Variants in PCDHGA1 observed in about 807,000 individuals in gnomAD.
PCDHGA1 encodes protocadherin gamma-A1.
In PCDHGA1, 32 loss-of-function variants were observed where a neutral mutation model predicts 58.0. That is an observed-to-expected ratio of 0.55 (90% confidence interval 0.42 to 0.74). The LOEUF (loss-of-function observed/expected upper bound fraction) is 0.74, where lower values mean the gene tolerates loss of function less well. PCDHGA1 is among the 30% of genes least tolerant of loss of function. PCDHGA1 has a pLI of 0.00. For synonymous variants in PCDHGA1, 498 were observed against 501.1 expected, an observed-to-expected ratio of 0.99 and a Z score of 0.08; for missense variants, 1,205 against 1,182.3, an observed-to-expected ratio of 1.02 and a Z score of -0.28.
chr5:141,339,550 AC>A, intron 1 of PCDHGA1: 3 of 1,614,136 alleles, frequency 1.9e-6, no homozygotes, highest in Admixed American at 3.3e-5. Context: ...AGTACCCAGA[AC>A]TGGTGCTGGA....
At chr5:141,408,251 C>T (rs761835750) in intron 1 of PCDHGA1, 6 of 1,597,008 alleles carry the variant, frequency 3.8e-6, no homozygotes, top group Middle Eastern at 1.7e-4. Context: ...GCGGCAGGTG[C>T]TATTTCCTTT....
At chr5:141,388,824 T>A in intron 1 of PCDHGA1, 1 of 1,613,960 alleles carries the variant, frequency 6.2e-7, no homozygotes, top group Non-Finnish European at 8.5e-7. Flanking sequence ...CAAAGAATAT[T>A]CCATAGTTTT....
chr5:141,498,930 C>T (rs2099786911), intron 2 of PCDHGA1, among the ~76,000 whole-genome samples: 1 of 121,364 alleles, frequency 8.2e-6, no homozygotes, highest in Non-Finnish European at 1.6e-5. Flanking sequence ...GAGACTCCAT[C>T]AGGAAAGAAA....
chr5:141,391,198 C>T (rs2092314570), intron 1 of PCDHGA1: 1 of 152,156 alleles, frequency 6.6e-6, no homozygotes, highest in South Asian at 2.1e-4. Context: ...AAAATATATA[C>T]AAAATACCAA....
At chr5:141,500,244 T>C (rs1426405294) in intron 2 of PCDHGA1, among the ~76,000 whole-genome samples, 1 of 151,640 alleles carries the variant, frequency 6.6e-6, no homozygotes, top group Non-Finnish European at 1.5e-5. Context: ...AGCCTTGCTC[T>C]GTCACCCAGG....
intron 1 of PCDHGA1, chr5:141,340,777 C>G: frequency 6.2e-7 from 1 of 1,613,874 alleles, no homozygotes; most frequent in Non-Finnish European, 8.5e-7. Context: ...GCCAGAACGC[C>G]TGGCTGTCTT....
At chr5:141,471,743 C>T (rs769600930) in intron 1 of PCDHGA1, among the ~76,000 whole-genome samples, 2 of 152,142 alleles carry the variant, frequency 1.3e-5, no homozygotes, top group Non-Finnish European at 2.9e-5. Flanking sequence ...GGAGACATAA[C>T]ATATTTGAGG....
intron 1 of PCDHGA1, chr5:141,427,980 G>A (rs1398178738): frequency 6.3e-7 from 1 of 1,596,206 alleles, no homozygotes. Context: ...CCCCGCGCTG[G>A]GGCCCGATGG....
chr5:141,428,168 C>A, intron 1 of PCDHGA1: 1 of 1,551,608 alleles, frequency 6.4e-7, no homozygotes, highest in Non-Finnish European at 8.8e-7. Context: ...GGTTGCTGTG[C>A]GTGACGGAGG....
intron 1 of PCDHGA1, among the ~76,000 whole-genome samples, chr5:141,450,112 T>G (rs2098669735): frequency 6.6e-6 from 1 of 150,618 alleles, no homozygotes; most frequent in Non-Finnish European, 1.5e-5. Context: ...GTTCAAATGA[T>G]TCTCCTGCCT....
Position 141,486,880 on chromosome 5 carries a change from G to T in PCDHGA1, c.2422-7927G>T. On this transcript the variant is annotated intron_variant, in intron 1 of 3. Transcript: ENST00000517417. The surrounding 1 kb of genome is among the most constrained non-coding windows in gnomAD (Gnocchi z 5.0). The stretch of plus-strand genomic sequence containing the variant: ...ATGCTCCAGCTGTGCTCCGTCCTCG[G>T]GCCCGGCCTGGTTCCTTATGTCCCC... The T allele has an allele frequency of 6.2e-7, 1 of 1,614,212 alleles. No homozygotes were observed. Among genetic ancestry groups the T allele is most frequent in the East Asian group, 2.2e-5 (1 of 44,882 alleles).
At position 141,375,584 on chromosome 5, in the gene PCDHGA1, C is replaced by T. The variant is rs555182663; in HGVS notation, c.2421+42479C>T. The stretch of plus-strand genomic sequence containing the variant: ...AGAAGACACCCTCCAGGGGGCGCCC[C>T]TGTCCTCCTACGTGTCCATCAACTC... On this transcript the variant is annotated intron_variant, in intron 1 of 3. Coordinates refer to ENST00000517417, the MANE Select transcript of PCDHGA1 (RefSeq NM_018912.3). 2.3e-5 allele frequency: 37 copies of T among 1,614,178 alleles called. 2 individuals carry two copies. The South Asian group carries it at 3.8e-4, about 17-fold the overall frequency.
At chr5:141,415,702 GC>G (rs754496290) in intron 1 of PCDHGA1, 1 of 1,403,056 alleles carries the variant, frequency 7.1e-7, no homozygotes, top group South Asian at 1.3e-5. Context: ...AAGTGTAAAT[GC>G]TAAAACACTG....
chr5:141,340,844 G>A, intron 1 of PCDHGA1: 4 of 1,612,600 alleles, frequency 2.5e-6, no homozygotes, highest in Non-Finnish European at 3.4e-6. Context: ...GCACACGGGC[G>A]AGGTGCGCAC....
chr5:141,388,477 C>A (rs371333912), intron 1 of PCDHGA1: 34 of 1,613,702 alleles, frequency 2.1e-5, no homozygotes, highest in Non-Finnish European at 2.9e-5. Flanking sequence ...GTATTGAAGA[C>A]ACCTTTGGAC....
In PCDHGA1 at chr5:141,408,872, G is replaced by T. The variant is rs752537671; in HGVS notation, c.2421+75767G>T. 3.1e-6 allele frequency: 5 copies of T among 1,613,448 alleles called. No individual in the cohort carries two copies. The highest frequency in any genetic ancestry group is 4.2e-6 in the Non-Finnish European group (5 of 1,179,760). Reference sequence around the variant, plus strand: ...GGACGGAGGGGACCCACCAAGAAGTGCCACCGCTCACATAGAAATTTCTGT... The same window carrying T: ...GGACGGAGGGGACCCACCAAGAAGTTCCACCGCTCACATAGAAATTTCTGT... On this transcript the variant is annotated intron_variant, in intron 1 of 3. Transcript: ENST00000517417.
rs987773604 is a variant in PCDHGA1 at position 141,409,588 on chromosome 5, C to G, written c.2421+76483C>G. 5.6e-6 allele frequency: 9 copies of G among 1,613,760 alleles called. 1 individual carries two copies. The highest frequency in any genetic ancestry group is 7.6e-6 in the Non-Finnish European group (9 of 1,179,892). On this transcript the variant is annotated intron_variant, in intron 1 of 3. Transcript: ENST00000517417. ...AGACGTCCTACGTGGTCCACGTGGC[C>G]GAGAACAACCCGCCAGGAGCCTCCA...
At chr5:141,438,585 TAC>T (rs1561889967) in intron 1 of PCDHGA1, among the ~76,000 whole-genome samples, 141 of 61,160 alleles carry the variant, frequency 2.3e-3, no homozygotes, top group South Asian at 4.3e-3. Flanking sequence ...CATACATACA[TAC>T]ATACATATAT....
chr5:141,427,126 C>T (rs1216633922), intron 1 of PCDHGA1: 1 of 457,282 alleles, frequency 2.2e-6, no homozygotes, highest in Non-Finnish European at 4.4e-6. Context: ...TCTTTCAAAT[C>T]CCTACGAGAT....
Sources: allele counts gnomAD v4.1 joint callset (sites outside exome capture counted in the v4.1 genomes callset), GRCh38; gene constraint gnomAD v4.1.1; non-coding constraint Gnocchi (gnomAD v3.1); transcripts MANE v1.5; gene names NCBI Gene and HGNC (gene_info 2026-07-23, HGNC 2026-07-21).